DNAI7: variants seen among roughly 807,000 people sequenced by gnomAD.
DNAI7 encodes the protein dynein axonemal intermediate chain 7.
DNAI7 carries 78 observed loss-of-function variants against 86.6 expected under a neutral mutation model. The observed-to-expected ratio is 0.90, with a 90% CI of 0.75 to 1.09. DNAI7 has a LOEUF of 1.09. Ranked by LOEUF, DNAI7 falls within the 50% of genes least tolerant of loss-of-function variation. The pLI, the probability that DNAI7 is intolerant of heterozygous loss-of-function variation, is 0.00. For missense variants in DNAI7, 753 were observed against 810.2 expected, an observed-to-expected ratio of 0.93 and a Z score of 0.86; for synonymous variants, 274 against 273.0, an observed-to-expected ratio of 1.00 and a Z score of -0.04.
In DNAI7 at chr12:25,114,749, C is replaced by T. The variant is rs1187424334; in HGVS notation, c.1518G>A (p.Met506Ile). The T allele has an allele frequency of 1.9e-6, 3 of 1,613,696 alleles. No individual in the cohort carries two copies. Among genetic ancestry groups the T allele is most frequent in the Non-Finnish European group, 1.7e-6 (2 of 1,179,782 alleles). The change falls in exon 13 of 16, where the codon ATG becomes ATA. Residue 506 changes from methionine (M) to isoleucine (I), a missense_variant. Coordinates refer to ENST00000395987, the MANE Select transcript of DNAI7 (RefSeq NM_018272.5). ...VTLIQDAHINMPYQSWELRPL... is the reference protein window; with the variant it reads ...VTLIQDAHINIPYQSWELRPL... ...GTCTTAGTTCCCATGACTGGTACGG[C>T]ATGTTAATATGAGCATCTTGAATCA...
At chr12:25,107,445 A>C (rs1464282009), downstream of DNAI7, among the ~76,000 whole-genome samples, 1 of 152,190 alleles carries the variant, frequency 6.6e-6, no homozygotes, top group Non-Finnish European at 1.5e-5. Context: ...AAGGGGGACT[A>C]CTGTACACAC....
chr12:25,122,364 G>A (rs1048988137), intron 10 of DNAI7, among the ~76,000 whole-genome samples: 3 of 148,162 alleles, frequency 2.0e-5, no homozygotes, highest in Non-Finnish European at 3.0e-5. Context: ...GGCTGAGGTA[G>A]GAGAATTACT....
chr12:25,123,421 C>G (rs1339640597), intron 9 of DNAI7, 135 bp from the exon 10 acceptor site: 1 of 326,806 alleles, frequency 3.1e-6, no homozygotes, highest in Non-Finnish European at 5.5e-6. Context: ...GATACTTGCT[C>G]TACCATAAAA....
At chr12:25,182,637 C>CACACACA (rs1244349000) in intron 2 of DNAI7, among the ~76,000 whole-genome samples, 4 of 151,334 alleles carry the variant, frequency 2.6e-5, no homozygotes, top group Admixed American at 1.3e-4. Context: ...CACACACACA[C>CACACACA]AAGCCAGATG....
At chr12:25,182,296 G>A (rs1351369524) in intron 2 of DNAI7, among the ~76,000 whole-genome samples, 1 of 142,496 alleles carries the variant, frequency 7.0e-6, no homozygotes, top group Non-Finnish European at 1.5e-5. Flanking sequence ...GCAGTGAGCC[G>A]AGATCGCACC....
intron 6 of DNAI7, 47 bp from the exon 7 acceptor site, chr12:25,149,821 A>T: frequency 1.7e-6 from 2 of 1,200,876 alleles, no homozygotes; most frequent in Middle Eastern, 2.7e-4. Context: ...GAAATAGTCA[A>T]GGACAAGTGA....
intron 2 of DNAI7, among the ~76,000 whole-genome samples, chr12:25,176,162 TA>T (rs1452287358): frequency 1.3e-4 from 20 of 152,290 alleles, no homozygotes; most frequent in Admixed American, 5.2e-4. Context: ...TTTTTTAAAA[TA>T]AAAATGTTAA....
chr12:25,161,338 C>A, intron 2 of DNAI7, 141 bp from the exon 3 acceptor site: 1 of 711,752 alleles, frequency 1.4e-6, no homozygotes, highest in Non-Finnish European at 2.5e-6. Flanking sequence ...AATAAGACTG[C>A]CTCTTAGTGT....
At chr12:25,132,277 C>T (rs544742223) in intron 9 of DNAI7, among the ~76,000 whole-genome samples, 2 of 152,084 alleles carry the variant, frequency 1.3e-5, no homozygotes, top group Non-Finnish European at 2.9e-5. Flanking sequence ...ATCCTTCTCA[C>T]GTTCTTTCCC....
Position 25,158,522 on chromosome 12 carries a change from G to A in DNAI7, c.148C>T (p.Leu50Phe). ...TCTTTCTCAATTCGCTGTATTTCAA[G>A]CCTTTCCATTTCTTCTTTCTCATAT... ...LKYEKEEMER[L>F]EIQRIEKEKW... is the part of the protein sequence containing the mutation. Residue 50 changes from leucine (L) to phenylalanine (F), a missense_variant, in exon 4 of 16, where the codon CTT becomes TTT. Transcript: ENST00000395987. 1 of 1,612,930 alleles carries A rather than the reference G, an allele frequency of 6.2e-7. No individual in the cohort carries two copies. Among genetic ancestry groups the A allele is most frequent in the Non-Finnish European group, 8.5e-7 (1 of 1,179,680 alleles).
At chr12:25,157,825 T>C (rs1399078861) in intron 4 of DNAI7, among the ~76,000 whole-genome samples, 3 of 126,430 alleles carry the variant, frequency 2.4e-5, no homozygotes, top group Non-Finnish European at 4.9e-5. Context: ...AGGTAGAATT[T>C]GAATATTTTG....
intron 14 of DNAI7, 36 bp downstream of exon 14, chr12:25,111,736 G>C (rs780855224): frequency 1.5e-5 from 21 of 1,387,538 alleles, no homozygotes; most frequent in Admixed American, 2.3e-5. Context: ...CATTTTAAAT[G>C]CACGCCACAT....
rs763268201 is a variant in DNAI7, at chr12:25,154,413, A to G, written c.344T>C (p.Val115Ala). ...AATAAACGTGTTCATTTCTTGGGCT[A>G]CTGAAGGATCAGGACTCCCATCACA... is the stretch of plus-strand genomic sequence containing the variant. Reference protein sequence around the residue: ...IQCDGSPDPSVAQEMNTFISL... With the variant: ...IQCDGSPDPSAAQEMNTFISL... The change falls in exon 6 of 16, where the codon GTA becomes GCA. Residue 115 changes from valine to alanine, a missense_variant. Transcript: ENST00000395987. The G allele has an allele frequency of 5.6e-6, 9 of 1,611,502 alleles. No homozygotes were observed. Among genetic ancestry groups the G allele is most frequent in the South Asian group, 1.1e-5 (1 of 90,376 alleles).
chr12:25,170,251 T>C (rs1313064140), intron 2 of DNAI7, among the ~76,000 whole-genome samples: 3 of 151,526 alleles, frequency 2.0e-5, no homozygotes, highest in Admixed American at 2.0e-4. Flanking sequence ...ATTACCCTGG[T>C]GTGGTGGTGG....
In DNAI7 at chr12:25,174,519, TC is replaced by T. The variant is rs1565811881; in HGVS notation, c.22-13323del. 1.5e-4 allele frequency among the ~76,000 whole-genome samples: 5 copies of T among 33,690 alleles called. 1 individual carries two copies. The highest frequency in any genetic ancestry group is 6.7e-4 in the South Asian group (1 of 1,486). 22.1% of individuals were successfully genotyped at this position (33,690 alleles called of 152,430 possible). On this transcript the variant is annotated intron_variant, in intron 2 of 15. Coordinates refer to ENST00000395987, the MANE Select transcript of DNAI7 (RefSeq NM_018272.5). ...ATCCCATATATATGGGATATATATA[TC>T]ATATATATCATATATATGGGATATA...
At chr12:25,138,686 C>T (rs1943829519) in intron 9 of DNAI7, among the ~76,000 whole-genome samples, 1 of 151,670 alleles carries the variant, frequency 6.6e-6, no homozygotes, top group East Asian at 1.9e-4. Context: ...CTATCAAAAC[C>T]TCTGGGATAC....
At chr12:25,175,021 C>T (rs763952661) in intron 2 of DNAI7, among the ~76,000 whole-genome samples, 2 of 151,604 alleles carry the variant, frequency 1.3e-5, no homozygotes, top group African/African-American at 2.4e-5. Flanking sequence ...GTATACTGCT[C>T]GGGTGATGGG....
At chr12:25,123,128 A>C (rs1006427165) in intron 10 of DNAI7, 83 bp downstream of exon 10, 1 of 933,442 alleles carries the variant, frequency 1.1e-6, no homozygotes, top group Non-Finnish European at 1.6e-6. Flanking sequence ...CAATGTCTGA[A>C]TTTTTTTAAC....
At chr12:25,141,051 A>G (rs984934448) in intron 9 of DNAI7, among the ~76,000 whole-genome samples, 1 of 151,146 alleles carries the variant, frequency 6.6e-6, no homozygotes, top group African/African-American at 2.5e-5. Flanking sequence ...CACCTTATAC[A>G]AAAATCAACT....
Sources: allele counts gnomAD v4.1 joint callset (sites outside exome capture counted in the v4.1 genomes callset), GRCh38; gene constraint gnomAD v4.1.1; transcripts MANE v1.5; gene names NCBI Gene and HGNC (gene_info 2026-07-23, HGNC 2026-07-21).